Variants in FNDC1 observed in about 807,000 individuals in gnomAD.
FNDC1 encodes the protein fibronectin type III domain-containing protein 1.
FNDC1 carries 96 observed loss-of-function variants against 168.0 expected under a neutral mutation model. The observed-to-expected ratio is 0.57, with a 90% CI of 0.48 to 0.68. The LOEUF is 0.68. Among genes scored for constraint, FNDC1 ranks in the 30% least tolerant of loss-of-function variants. The pLI, the probability that FNDC1 is intolerant of heterozygous loss-of-function variation, is 0.00. For synonymous variants in FNDC1, 1,099 were observed against 1,025.9 expected, an observed-to-expected ratio of 1.07 and a Z score of -1.36; for missense variants, 2,587 against 2,482.1, an observed-to-expected ratio of 1.04 and a Z score of -0.90.
chr6:159,236,875 G>C (rs1386461491), intron 12 of FNDC1, among the ~76,000 whole-genome samples: 1 of 152,310 alleles, frequency 6.6e-6, no homozygotes, highest in African/African-American at 2.4e-5. Flanking sequence ...TGTCTAAACA[G>C]CTTTAATTGC....
At chr6:159,201,760 A>G (rs77545986) in intron 4 of FNDC1, among the ~76,000 whole-genome samples, 15 of 152,336 alleles carry the variant, frequency 9.8e-5, no homozygotes, top group African/African-American at 1.7e-4. Context: ...ACACACATGT[A>G]AACAGACACG....
At position 159,223,533 on chromosome 6, in the gene FNDC1, G is replaced by A. The variant is rs1239626434; in HGVS notation, c.772G>A (p.Asp258Asn). 1 of 1,610,900 alleles carries A rather than the reference G, an allele frequency of 6.2e-7. No homozygotes were observed. The highest frequency in any genetic ancestry group is 8.5e-7 in the Non-Finnish European group (1 of 1,177,840). ...ALTKRKISEE[D>N]ELDVPDDISV... ...GGGTCTCGTTGTCATTTCAGAAGAG[G>A]ACGAATTGGATGTACCTGACGACAT... is the stretch of plus-strand genomic sequence containing the variant. Residue 258 changes from aspartate to asparagine, a missense_variant, in exon 7 of 23, where the codon GAC becomes AAC. Asp to Asn is a conservative substitution (Grantham distance 23). Coordinates refer to ENST00000297267, the MANE Select transcript of FNDC1 (RefSeq NM_032532.3).
At chr6:159,239,302 A>G (rs1783345377) in intron 13 of FNDC1, among the ~76,000 whole-genome samples, 1 of 152,194 alleles carries the variant, frequency 6.6e-6, no homozygotes, top group Non-Finnish European at 1.5e-5. Context: ...CCTTAGGCAT[A>G]GGAATGAGGC....
At chr6:159,252,788 A>C (rs1444591011) in intron 17 of FNDC1, among the ~76,000 whole-genome samples, 3 of 152,204 alleles carry the variant, frequency 2.0e-5, no homozygotes, top group Non-Finnish European at 4.4e-5. Flanking sequence ...AATAATTTAA[A>C]ACCTTACTTT....
At chr6:159,230,407 AG>A (rs917460570) in intron 10 of FNDC1, among the ~76,000 whole-genome samples, 3 of 152,210 alleles carry the variant, frequency 2.0e-5, no homozygotes, top group Non-Finnish European at 4.4e-5. Context: ...GAGACGGGTG[AG>A]GGTTAAAAAA....
chr6:159,247,187 G>A (rs944716910), intron 15 of FNDC1, among the ~76,000 whole-genome samples: 13 of 152,120 alleles, frequency 8.5e-5, no homozygotes, highest in African/African-American at 1.2e-4. Flanking sequence ...TGCTTAACAC[G>A]TAGATGCAGC....
intron 1 of FNDC1, among the ~76,000 whole-genome samples, chr6:159,192,568 G>T (rs1454334882): frequency 1.3e-5 from 2 of 152,196 alleles, no homozygotes; most frequent in Non-Finnish European, 2.9e-5. Context: ...TAATTCAGGT[G>T]CTTGGACAGG....
At chr6:159,228,545 G>A (rs516850) in intron 9 of FNDC1, among the ~76,000 whole-genome samples, 2 of 149,996 alleles carry the variant, frequency 1.3e-5, no homozygotes, top group Non-Finnish European at 1.5e-5. Context: ...TGGTTGAAAC[G>A]TTTTTTTTTT....
intron 14 of FNDC1, among the ~76,000 whole-genome samples, chr6:159,245,404 C>T (rs1260884618): frequency 6.6e-6 from 1 of 152,230 alleles, no homozygotes; most frequent in Admixed American, 6.5e-5. Flanking sequence ...ACCTTGCCCC[C>T]TTTTGAGGGT....
intron 4 of FNDC1, 101 bp from the exon 5 acceptor site, chr6:159,214,844 C>A: frequency 1.1e-6 from 1 of 932,480 alleles, no homozygotes; most frequent in Non-Finnish European, 1.7e-6. Context: ...TGAAGCTCAG[C>A]AGCTAATTGT....
intron 14 of FNDC1, among the ~76,000 whole-genome samples, chr6:159,246,570 A>T (rs1015059557): frequency 9.9e-5 from 15 of 152,198 alleles, no homozygotes; most frequent in African/African-American, 3.6e-4. Context: ...AGAGCCCTGC[A>T]GGCATGCGGG....
At chr6:159,226,868 A>G (rs1782965888) in intron 9 of FNDC1, among the ~76,000 whole-genome samples, 1 of 152,190 alleles carries the variant, frequency 6.6e-6, no homozygotes, top group Non-Finnish European at 1.5e-5. Flanking sequence ...TCTGAACAAC[A>G]CCCTGGCTTC....
In FNDC1 at chr6:159,232,224, G is replaced by T; in HGVS notation, c.1712G>T (p.Arg571Ile). ...DQKRTLRPPS[R>I]HGHSVVAPGR... Reference sequence around the variant, plus strand: ...AAACGGACCCTGAGGCCGCCAAGTAGACACGGCCACTCGGTGGTTGCTCCC... The same window carrying T: ...AAACGGACCCTGAGGCCGCCAAGTATACACGGCCACTCGGTGGTTGCTCCC... The change falls in exon 11 of 23, where the codon AGA becomes ATA. Residue 571 changes from arginine (R) to isoleucine (I), a missense_variant. Transcript: ENST00000297267. This position sits in a 1 kb window ranked among gnomAD's most constrained non-coding sequence, Gnocchi z 4.9. 6.2e-7 allele frequency: 1 copy of T among 1,612,968 alleles called. No individual in the cohort carries two copies. Among genetic ancestry groups the T allele is most frequent in the African/African-American group, 1.3e-5 (1 of 75,018 alleles).
chr6:159,169,531 C>A lies in FNDC1; in HGVS notation c.-66C>A. 1 of 455,078 alleles carries A rather than the reference C, an allele frequency of 2.2e-6. No individual in the cohort carries two copies. The highest frequency in any genetic ancestry group is 9.5e-5 in the East Asian group (1 of 10,478). 28.2% of individuals were successfully genotyped at this position (455,078 alleles called of 1,614,324 possible). ...CCCGACGGCGGCGCCTCGGCACTCC[C>A]CAGACTCCGGCCAGCGCCCCCCTGC... On this transcript the variant is annotated 5_prime_UTR_variant, in exon 1 of 23. Transcript: ENST00000297267. This position sits in a 1 kb window ranked among gnomAD's most constrained non-coding sequence, Gnocchi z 6.8.
rs75473765 is a variant in FNDC1, at chr6:159,213,239, T to C, written c.461-1706T>C. On this transcript the variant is annotated intron_variant, in intron 4 of 22. Transcript: ENST00000297267. ...AAAGCTGTTGTCCCTGCTGTTGGGG[T>C]GTGTGGCTCATGTTTAGTGAACCTG... Among the ~76,000 whole-genome samples the C allele has an allele frequency of 2.0e-3, 302 of 152,154 alleles. 3 individuals carry two copies. Among genetic ancestry groups the C allele is most frequent in the Middle Eastern group, 0.01 (3 of 294 alleles).
rs867802446 is a variant in FNDC1, at chr6:159,233,459, G to A, written c.2947G>A (p.Ala983Thr). The change falls in exon 11 of 23, where the codon GCA becomes ACA. Residue 983 changes from alanine to threonine, a missense_variant. By Grantham distance (58) the Ala-to-Thr change is moderately conservative (BLOSUM62 0). Transcript: ENST00000297267. This position sits in a 1 kb window ranked among gnomAD's most constrained non-coding sequence, Gnocchi z 4.6. ...DRHASPARPP[A>T]ARSQQHPSVP... ...CCACGCGTCCCCTGCTCGTCCGCCC[G>A]CAGCACGGTCACAGCAGCATCCCAG... is the stretch of plus-strand genomic sequence containing the variant. The A allele has an allele frequency of 6.2e-7, 1 of 1,606,516 alleles. No homozygotes were observed. Among genetic ancestry groups the A allele is most frequent in the Non-Finnish European group, 8.5e-7 (1 of 1,178,666 alleles).
In FNDC1 at chr6:159,232,053, T is replaced by A. The variant is rs1783092959; in HGVS notation, c.1541T>A (p.Leu514Ter). Residue 514 changes from leucine to a stop codon, truncating the protein, a stop_gained, in exon 11 of 23, where the codon TTG becomes TAG. Coordinates refer to ENST00000297267, the MANE Select transcript of FNDC1 (RefSeq NM_032532.3). LOFTEE classifies it high-confidence loss of function. This position sits in a 1 kb window ranked among gnomAD's most constrained non-coding sequence, Gnocchi z 4.9. ...CTTCTTGACTTGAAGAACAAAATAT[T>A]GGCTAATGGTGGGGCGCCCCGAAAA... ...DLLLDLKNKILANGGAPRKPQ... is the reference protein window; with the variant it reads ...DLLLDLKNKI The A allele has an allele frequency of 6.2e-7, 1 of 1,613,582 alleles. No individual in the cohort carries two copies. Among genetic ancestry groups the A allele is most frequent in the African/African-American group, 1.3e-5 (1 of 74,844 alleles).
chr6:159,186,785 T>C (rs894067732), intron 1 of FNDC1, among the ~76,000 whole-genome samples: 1 of 152,238 alleles, frequency 6.6e-6, no homozygotes, highest in Admixed American at 6.5e-5. Flanking sequence ...ATCTGACAAA[T>C]GCCATTTAAG....
intron 1 of FNDC1, among the ~76,000 whole-genome samples, chr6:159,185,070 G>A (rs557358243): frequency 3.6e-5 from 4 of 112,466 alleles, no homozygotes; most frequent in South Asian, 3.6e-4. Context: ...TGGAGGGTGG[G>A]GGGGGGGGAA....
Sources: allele counts gnomAD v4.1 joint callset (sites outside exome capture counted in the v4.1 genomes callset), GRCh38; gene constraint gnomAD v4.1.1; non-coding constraint Gnocchi (gnomAD v3.1); transcripts MANE v1.5; gene names NCBI Gene and HGNC (gene_info 2026-07-23, HGNC 2026-07-21).